CNNM4: variants seen among roughly 807,000 people sequenced by gnomAD.
CNNM4 encodes the protein cyclin and CBS domain divalent metal cation transport mediator 4, also known as metal transporter CNNM4.
A neutral mutation model predicts 53.7 loss-of-function variants in CNNM4; 32 were observed. That is an observed-to-expected ratio of 0.60 (90% CI 0.45 to 0.80). CNNM4 has a LOEUF of 0.80. CNNM4 is among the 30% of genes least tolerant of loss of function. The probability of loss-of-function intolerance (pLI) is 0.00; values close to 1 mark genes in which losing one functional copy is unlikely to be tolerated. For missense variants in CNNM4, 784 were observed against 1,022.0 expected (o/e 0.77, Z 3.17); for synonymous variants, 410 against 440.0 (o/e 0.93, Z 0.85).
chr2:96,788,713 C>G (rs1045529430), intron 1 of CNNM4: 1 of 152,248 alleles, frequency 6.6e-6, no homozygotes, highest in African/African-American at 2.4e-5. Context: ...GTCCAGCCCG[C>G]ACCTCTCCCA....
In CNNM4 at chr2:96,761,149, G is replaced by T; in HGVS notation, c.150G>T (p.Arg50Ser). ...AGCAGGGCACGATCGTGGGCATGAG[G>T]CTGGCGAGCTGCAACAAGTCGTGTG... ...SPQQGTIVGM[R>S]LASCNKSCGT... is the part of the protein sequence containing the mutation. Residue 50 changes from arginine to serine, a missense_variant, in exon 1 of 7, where the codon AGG becomes AGT. Coordinates refer to ENST00000377075, the MANE Select transcript of CNNM4 (RefSeq NM_020184.4). This position sits in a 1 kb window ranked among gnomAD's most constrained non-coding sequence, Gnocchi z 6.0. 1 of 1,606,912 alleles carries T rather than the reference G, an allele frequency of 6.2e-7. No individual in the cohort carries two copies.
intron 5 of CNNM4, among the ~76,000 whole-genome samples, chr2:96,802,074 CACAG>C (rs1418114586): frequency 1.3e-5 from 2 of 151,272 alleles, no homozygotes; most frequent in Non-Finnish European, 2.9e-5. Context: ...TCCATAGACA[CACAG>C]ACACACAGGT....
chr2:96,780,883 C>T (rs980016602), intron 1 of CNNM4, among the ~76,000 whole-genome samples: 2 of 148,684 alleles, frequency 1.3e-5, no homozygotes, highest in East Asian at 2.0e-4. Flanking sequence ...GGACTACAGG[C>T]GCGTACCACC....
chr2:96,771,831 C>T (rs761915981), intron 1 of CNNM4, among the ~76,000 whole-genome samples: 17 of 152,176 alleles, frequency 1.1e-4, no homozygotes, highest in East Asian at 1.9e-4. Context: ...ATCATCCTTT[C>T]GGAGTCTCTC....
intron 1 of CNNM4, among the ~76,000 whole-genome samples, chr2:96,791,249 T>C (rs1438387231): frequency 6.6e-6 from 1 of 152,096 alleles, no homozygotes; most frequent in African/African-American, 2.4e-5. Context: ...ATTTCAGGTG[T>C]AAGCCACAGC....
In CNNM4 at chr2:96,809,757, G is replaced by T. The variant is rs2079241547; in HGVS notation, c.*240G>T. On this transcript the variant is annotated 3_prime_UTR_variant, in exon 7 of 7. Coordinates refer to ENST00000377075, the MANE Select transcript of CNNM4 (RefSeq NM_020184.4). ...GGGCCAGCTACCGTAAGCAAAGGCT[G>T]TTTTTTACTGAGAGAATTTCTAAAG... 4.6e-6 allele frequency: 2 copies of T among 437,420 alleles called. No homozygotes were observed. The highest frequency in any genetic ancestry group is 3.3e-5 in the East Asian group (1 of 29,874). The allele number at this position is 437,420 out of a possible 1,614,324, so 27.1% of individuals were successfully genotyped here. A position where few individuals can be genotyped will look rare whatever the true frequency, so the allele number is the denominator to read the frequency against.
intron 1 of CNNM4, among the ~76,000 whole-genome samples, chr2:96,772,284 C>T (rs1298620136): frequency 2.7e-5 from 4 of 145,614 alleles, no homozygotes; most frequent in Non-Finnish European, 1.5e-5. Context: ...CACACTCATA[C>T]CCCCACATAG....
chr2:96,799,151 G>C lies in CNNM4; in HGVS notation c.1776G>C (p.Glu592Asp). ...TCATTCAGGAACTCAAGTTTGACGA[G>C]CACAATAAGTACTACGCCCGCCATT... Reference protein sequence around the residue: ...PDVIQELKFDEHNKYYARHYL... With the variant: ...PDVIQELKFDDHNKYYARHYL... Residue 592 changes from glutamate (E) to aspartate (D), a missense_variant, in exon 4 of 7, where the codon GAG (glutamate) becomes GAC (aspartate). Transcript: ENST00000377075. The C allele has an allele frequency of 1.9e-6, 3 of 1,612,996 alleles. No homozygotes were observed. Among genetic ancestry groups the C allele is most frequent in the Non-Finnish European group, 2.5e-6 (3 of 1,180,004 alleles).
intron 1 of CNNM4, among the ~76,000 whole-genome samples, chr2:96,796,068 A>G (rs571128371): frequency 1.4e-5 from 2 of 139,566 alleles, no homozygotes; most frequent in Middle Eastern, 3.5e-3. Flanking sequence ...TGCCCTTGTC[A>G]GTTTGGGTCT....
At chr2:96,795,263 C>T (rs1477392799) in intron 1 of CNNM4, among the ~76,000 whole-genome samples, 4 of 152,208 alleles carry the variant, frequency 2.6e-5, no homozygotes, top group African/African-American at 4.8e-5. Flanking sequence ...GGCCTGGGGG[C>T]GGACCCCAGG....
chr2:96,773,375 T>A (rs551661213), intron 1 of CNNM4, among the ~76,000 whole-genome samples: 1 of 152,296 alleles, frequency 6.6e-6, no homozygotes, highest in South Asian at 2.1e-4. Flanking sequence ...TAGTTATTTT[T>A]AAAATTATTA....
chr2:96,809,233 C>G, intron 6 of CNNM4, 87 bp from the exon 7 acceptor site: 1 of 1,580,522 alleles, frequency 6.3e-7, no homozygotes, highest in South Asian at 1.2e-5. Context: ...AACTCACAGC[C>G]TCAATCCTGG....
At chr2:96,763,986 C>T (rs2078789653) in intron 1 of CNNM4, among the ~76,000 whole-genome samples, 1 of 152,014 alleles carries the variant, frequency 6.6e-6, no homozygotes, top group African/African-American at 2.4e-5. Flanking sequence ...GCCCCACCCC[C>T]ACCCTAAGCC....
At chr2:96,805,848 T>C (rs2079199427) in intron 5 of CNNM4, among the ~76,000 whole-genome samples, 1 of 150,712 alleles carries the variant, frequency 6.6e-6, no homozygotes, top group African/African-American at 2.5e-5. Flanking sequence ...TGTCTACTTC[T>C]TTCCACACAG....
Position 96,761,039 on chromosome 2 carries a change from C to G in CNNM4, c.40C>G (p.Pro14Ala), listed in dbSNP as rs927166486. ...VGGGGRPVGG[P>A]ARGRLLLAAP... ...CGGGGGCGGGCGCCCGGTCGGCGGA[C>G]CGGCCCGCGGGCGCCTCCTCCTGGC... Residue 14 changes from proline to alanine, a missense_variant, in exon 1 of 7, where the codon CCG becomes GCG. Physicochemically the swap from Pro to Ala is conservative, Grantham distance 27 (BLOSUM62 -1). Coordinates refer to ENST00000377075, the MANE Select transcript of CNNM4 (RefSeq NM_020184.4). The surrounding 1 kb of genome is among the most constrained non-coding windows in gnomAD (Gnocchi z 6.0). 16 of 1,224,574 alleles carry G rather than the reference C, an allele frequency of 1.3e-5. 1 individual carries two copies. The African/African-American group carries it at 2.5e-4, about 19-fold the overall frequency. The allele number at this position is 1,224,574 out of a possible 1,614,324, so 75.9% of individuals were successfully genotyped here.
chr2:96,768,836 A>G (rs1433080042), intron 1 of CNNM4, among the ~76,000 whole-genome samples: 2 of 152,188 alleles, frequency 1.3e-5, no homozygotes, highest in Non-Finnish European at 2.9e-5. Context: ...AGGTTCTCAG[A>G]TGATGCCCAT....
At chr2:96,770,894 G>T (rs182866452) in intron 1 of CNNM4, among the ~76,000 whole-genome samples, 1 of 152,184 alleles carries the variant, frequency 6.6e-6, no homozygotes, top group Non-Finnish European at 1.5e-5. Context: ...ACTGATTTTC[G>T]CAGAGCCTCC....
chr2:96,809,535 C>A lies in CNNM4; in HGVS notation c.*18C>A. The A allele has an allele frequency of 6.2e-7, 1 of 1,613,220 alleles. No homozygotes were observed. Among genetic ancestry groups the A allele is most frequent in the South Asian group, 1.1e-5 (1 of 91,042 alleles). On this transcript the variant is annotated 3_prime_UTR_variant, in exon 7 of 7. Coordinates refer to ENST00000377075, the MANE Select transcript of CNNM4 (RefSeq NM_020184.4). ...CCATCTGACAGGAGGGCCCGGGGCC[C>A]CCTGCCCACCCTGCGGGGGCCTCCC...
In CNNM4 at chr2:96,801,799, GAGAT is replaced by G. The variant is rs1368257159; in HGVS notation, c.1948+2153_1948+2156del. Among the ~76,000 whole-genome samples, 8 of 151,314 alleles carry G rather than the reference GAGAT, an allele frequency of 5.3e-5. No homozygotes were observed. The highest frequency in any genetic ancestry group is 1.9e-4 in the African/African-American group (8 of 41,070). ...GAGATACTACAGACACCCATAGACA[GAGAT>G]ATCACACACAGAAACACACATGCAG... On this transcript the variant is annotated intron_variant, in intron 5 of 6. Transcript: ENST00000377075. The surrounding 1 kb of genome is among the most constrained non-coding windows in gnomAD (Gnocchi z 5.6).
Sources: gnomAD v4.1 joint callset for allele counts (sites outside exome capture counted in the v4.1 genomes callset) on GRCh38, gnomAD v4.1.1 for gene constraint, Gnocchi (gnomAD v3.1) non-coding constraint, MANE v1.5 for transcripts, NCBI Gene and HGNC (gene_info 2026-07-23, HGNC 2026-07-21) for gene names.